MEF2A: variants seen among roughly 807,000 people sequenced by gnomAD.
MEF2A encodes myocyte-specific enhancer factor 2A.
MEF2A carries 28 observed loss-of-function variants against 55.8 expected under a neutral mutation model. The ratio of observed to expected loss-of-function variants is 0.50; its 90% confidence interval spans 0.37 to 0.69. The LOEUF is 0.69. Ranked by LOEUF, MEF2A falls within the 30% of genes least tolerant of loss-of-function variation. The probability of loss-of-function intolerance (pLI) is 0.00; values close to 1 mark genes in which losing one functional copy is unlikely to be tolerated. For synonymous variants in MEF2A, 239 were observed against 227.1 expected, an observed-to-expected ratio of 1.05 and a Z score of -0.47; for missense variants, 528 against 626.2, an observed-to-expected ratio of 0.84 and a Z score of 1.67.
chr15:99,623,806 T>C (rs933920385), intron 2 of MEF2A, among the ~76,000 whole-genome samples: 3 of 140,598 alleles, frequency 2.1e-5, no homozygotes, highest in African/African-American at 7.8e-5. Context: ...TGATCTGCCG[T>C]TTTTTTTTTT....
At chr15:99,581,780 G>A (rs1219248541) in intron 1 of MEF2A, among the ~76,000 whole-genome samples, 1 of 152,112 alleles carries the variant, frequency 6.6e-6, no homozygotes, top group Non-Finnish European at 1.5e-5. Flanking sequence ...CATGATAATG[G>A]ATTAGGGAGT....
intron 1 of MEF2A, among the ~76,000 whole-genome samples, chr15:99,594,618 CT>C (rs958441444): frequency 3.3e-5 from 5 of 152,132 alleles, no homozygotes; most frequent in Non-Finnish European, 7.4e-5. Context: ...ATGCCTAGGT[CT>C]TTCTGATGAC....
intron 4 of MEF2A, among the ~76,000 whole-genome samples, chr15:99,655,568 A>T (rs1443958583): frequency 6.6e-6 from 1 of 152,134 alleles, no homozygotes; most frequent in Non-Finnish European, 1.5e-5. Context: ...GATTAGCAGT[A>T]TTTTAAAAGA....
At chr15:99,692,966 G>T (rs2055778251) in intron 8 of MEF2A, among the ~76,000 whole-genome samples, 1 of 152,138 alleles carries the variant, frequency 6.6e-6, no homozygotes, top group Non-Finnish European at 1.5e-5. Context: ...GACTGAGAAG[G>T]CCACAGCCTG....
Position 99,710,706 on chromosome 15 carries a change from AG to A in MEF2A, c.1084del (p.Val362CysfsTer9). 6.2e-7 allele frequency: 1 copy of A among 1,613,410 alleles called. No individual in the cohort carries two copies. The highest frequency in any genetic ancestry group is 2.2e-5 in the East Asian group (1 of 44,860). On this transcript the variant is annotated frameshift_variant, in exon 11 of 12. Coordinates refer to ENST00000557942, the MANE Select transcript of MEF2A (RefSeq NM_001319206.4). LOFTEE classifies it high-confidence loss of function. ...FNSPGMLSLGQVSAWQQHHLG... is the reference protein window; with the variant it reads ...FNSPGMLSLGXVSAWQQHHLG... ...TCGCCAGGAATGCTGTCGCTGGGAC[AG>A]GTGTCGGCCTGGCAGCAGCACCACC...
In MEF2A at chr15:99,595,339, C is replaced by T. The variant is rs189388258; in HGVS notation, c.-224-3091C>T. 3.0e-4 allele frequency among the ~76,000 whole-genome samples: 45 copies of T among 152,230 alleles called. 1 individual carries two copies. The highest frequency in any genetic ancestry group is 2.3e-3 in the Admixed American group (35 of 15,290). On this transcript the variant is annotated intron_variant, in intron 1 of 11. Transcript: ENST00000557942. Reference sequence around the variant, plus strand: ...ATGCATTGTCTATAGTTTTAATCTCCTTCCTCTGGCAGTACTTCCTTCCCT... The same window carrying T: ...ATGCATTGTCTATAGTTTTAATCTCTTTCCTCTGGCAGTACTTCCTTCCCT...
At chr15:99,590,832 A>G (rs779904565) in intron 1 of MEF2A, among the ~76,000 whole-genome samples, 37 of 152,078 alleles carry the variant, frequency 2.4e-4, no homozygotes, top group Non-Finnish European at 4.4e-4. Context: ...ATACATTATT[A>G]CTACTTTTGC....
chr15:99,594,638 G>A (rs778139131), intron 1 of MEF2A, among the ~76,000 whole-genome samples: 27 of 151,992 alleles, frequency 1.8e-4, no homozygotes, highest in African/African-American at 6.3e-4. Flanking sequence ...ACCAGCACAC[G>A]TATTGAAGCT....
At chr15:99,697,048 A>G (rs1597235284) in intron 8 of MEF2A, among the ~76,000 whole-genome samples, 2 of 84,378 alleles carry the variant, frequency 2.4e-5, no homozygotes, top group East Asian at 4.0e-4. Context: ...ACATCTATTC[A>G]TCATTTAAAA....
chr15:99,609,873 C>A (rs2035065676), intron 2 of MEF2A, among the ~76,000 whole-genome samples: 1 of 151,990 alleles, frequency 6.6e-6, no homozygotes, highest in Non-Finnish European at 1.5e-5. Context: ...TATATGGCAT[C>A]ATTTTTGTGT....
At chr15:99,573,251 T>A (rs933677218) in intron 1 of MEF2A, among the ~76,000 whole-genome samples, 1 of 136,876 alleles carries the variant, frequency 7.3e-6, no homozygotes, top group Non-Finnish European at 1.5e-5. Context: ...ATCGCGCCAC[T>A]GCACTCCAGC....
chr15:99,649,396 A>G (rs1395432654), intron 4 of MEF2A, among the ~76,000 whole-genome samples: 3 of 152,160 alleles, frequency 2.0e-5, no homozygotes, highest in South Asian at 4.1e-4. Context: ...TTTCAGTAGT[A>G]TATTTCTTAC....
rs1051965226 is a variant in MEF2A, at chr15:99,715,452, A to G, written c.*2681A>G. ...TTTAAATTACACTGACCAAGTAACA[A>G]TGTATTCCATTTCAGGAACTGAATA... is the stretch of plus-strand genomic sequence containing the variant. On this transcript the variant is annotated 3_prime_UTR_variant, in exon 12 of 12. Transcript: ENST00000557942. 1 of 152,350 alleles carries G rather than the reference A, an allele frequency of 6.6e-6. No individual in the cohort carries two copies. Among genetic ancestry groups the G allele is most frequent in the East Asian group, 1.9e-4 (1 of 5,188 alleles). The allele number at this position is 152,350 out of a possible 1,614,324, so 9.4% of individuals were successfully genotyped here. A position where few individuals can be genotyped will look rare whatever the true frequency, so the allele number is the denominator to read the frequency against.
chr15:99,700,166 A>T (rs1458495565), intron 8 of MEF2A, among the ~76,000 whole-genome samples: 1 of 103,928 alleles, frequency 9.6e-6, no homozygotes, highest in African/African-American at 3.2e-5. Context: ...CCAGACACAT[A>T]CGTATATATG....
chr15:99,594,571 G>T (rs915022465), intron 1 of MEF2A, among the ~76,000 whole-genome samples: 4 of 151,014 alleles, frequency 2.6e-5, no homozygotes, highest in Admixed American at 1.3e-4. Context: ...CTCCCCAGAG[G>T]TTGGGAGTTG....
chr15:99,587,370 C>T (rs990420917), intron 1 of MEF2A, among the ~76,000 whole-genome samples: 9 of 152,158 alleles, frequency 5.9e-5, no homozygotes, highest in Admixed American at 1.3e-4. Flanking sequence ...ATCCATGTCC[C>T]TGCAAAGGAC....
intron 2 of MEF2A, among the ~76,000 whole-genome samples, chr15:99,626,389 A>C (rs1211617479): frequency 6.6e-6 from 1 of 151,258 alleles, no homozygotes; most frequent in African/African-American, 2.4e-5. Context: ...AGGTTTGTCA[A>C]TTTTGTTAAT....
intron 2 of MEF2A, among the ~76,000 whole-genome samples, chr15:99,626,161 T>G (rs2042015459): frequency 6.6e-6 from 1 of 152,170 alleles, no homozygotes; most frequent in African/African-American, 2.4e-5. Context: ...TCTTTTTTGT[T>G]TCTTTGCAAT....
In MEF2A at chr15:99,714,931, A is replaced by G. The variant is rs2059017101; in HGVS notation, c.*2160A>G. On this transcript the variant is annotated 3_prime_UTR_variant, in exon 12 of 12. Transcript: ENST00000557942. ...TCAGTGCAGGAGAGACCTGCGCACC[A>G]CAGGCTGCAAACTGGAGGTTCTGTT... 6.6e-6 allele frequency: 1 copy of G among 151,030 alleles called. No homozygotes were observed. The highest frequency in any genetic ancestry group is 1.5e-5 in the Non-Finnish European group (1 of 67,858). The allele number at this position is 151,030 out of a possible 1,614,324, so 9.4% of individuals were successfully genotyped here.
Sources: allele counts gnomAD v4.1 joint callset (sites outside exome capture counted in the v4.1 genomes callset), GRCh38; gene constraint gnomAD v4.1.1; transcripts MANE v1.5; gene names NCBI Gene and HGNC (gene_info 2026-07-23, HGNC 2026-07-21).